Variants in SEC14L2 observed in about 807,000 individuals in gnomAD.
The protein encoded by SEC14L2 is SEC14-like protein 2.
A neutral mutation model predicts 56.9 loss-of-function variants in SEC14L2; 50 were observed. The ratio of observed to expected loss-of-function variants is 0.88; its 90% CI spans 0.70 to 1.11. The LOEUF (loss-of-function observed/expected upper bound fraction) is 1.11, where lower values mean the gene tolerates loss of function less well. SEC14L2 is among the 50% of genes most tolerant of loss of function. SEC14L2 has a pLI of 0.00. For synonymous variants in SEC14L2, 179 were observed against 188.5 expected (o/e 0.95, Z 0.41); for missense variants, 414 against 500.7 (o/e 0.83, Z 1.65).
At chr22:30,400,042 T>C (rs34096486) in intron 2 of SEC14L2, among the ~76,000 whole-genome samples, 2,577 of 152,258 alleles carry the variant, frequency 0.017, 29 homozygotes, top group East Asian at 0.032. Context: ...GTTGGGGAAA[T>C]TGGCTGAAGA....
rs138997226 is a variant in SEC14L2, at chr22:30,409,702, A to T, written c.580+216A>T. 2.8e-3 allele frequency among the ~76,000 whole-genome samples: 423 copies of T among 152,178 alleles called. 4 individuals are homozygous for T. Among genetic ancestry groups the T allele is most frequent in the Non-Finnish European group, 5.2e-3 (353 of 67,992 alleles). On this transcript the variant is annotated intron_variant, in intron 7 of 11. Transcript: ENST00000615189. The stretch of plus-strand genomic sequence containing the variant: ...CTCTTGAGCCCAGGAGTTTGAGACC[A>T]GCCTGGGTAACACAGCAAGACCTCA...
chr22:30,405,067 T>C (rs148048116), intron 2 of SEC14L2, among the ~76,000 whole-genome samples: 4 of 137,934 alleles, frequency 2.9e-5, no homozygotes, highest in African/African-American at 7.9e-5. Flanking sequence ...CGAAATTGTC[T>C]CAAAAAAAAA....
rs373932107 is a variant in SEC14L2, at chr22:30,412,437, T to C, written c.664+1758T>C. Among the ~76,000 whole-genome samples, 15 of 151,116 alleles carry C rather than the reference T, an allele frequency of 9.9e-5. 2 individuals are homozygous for C. The East Asian group carries it at 2.4e-3, about 24-fold the overall frequency. ...GTGCAGTGGTACAATCTCGGCACAA[T>C]GTTGTCACAGTCCACGCAAGAGGTG... On this transcript the variant is annotated intron_variant, in intron 8 of 11. Transcript: ENST00000615189.
intron 8 of SEC14L2, among the ~76,000 whole-genome samples, chr22:30,413,636 AGAGGGATT>A (rs1934311152): frequency 6.6e-6 from 1 of 152,168 alleles, no homozygotes; most frequent in Non-Finnish European, 1.5e-5. Context: ...GGGGTAGGTA[AGAGGGATT>A]CTGAAGGCTT....
intron 1 of SEC14L2, among the ~76,000 whole-genome samples, chr22:30,399,058 T>C (rs1385408146): frequency 6.6e-6 from 1 of 152,144 alleles, no homozygotes; most frequent in Admixed American, 6.5e-5. Context: ...TGGGAACACA[T>C]CTGCCTGCCC....
At chr22:30,403,074 C>T (rs937227557) in intron 2 of SEC14L2, among the ~76,000 whole-genome samples, 4 of 152,202 alleles carry the variant, frequency 2.6e-5, no homozygotes, top group Non-Finnish European at 5.9e-5. Context: ...AAGATTCTGT[C>T]TCAAAGAAAA....
intron 8 of SEC14L2, among the ~76,000 whole-genome samples, chr22:30,412,660 CAAAA>C (rs1036094749): frequency 6.6e-6 from 1 of 151,498 alleles, no homozygotes; most frequent in African/African-American, 2.4e-5. Flanking sequence ...TCCATCTCTA[CAAAA>C]AATACAAAAA....
rs1232845172 is a variant in SEC14L2, at chr22:30,423,967, G to A, written c.*1560G>A. The A allele has an allele frequency of 2.0e-5, 3 of 152,320 alleles. No homozygotes were observed. The highest frequency in any genetic ancestry group is 4.4e-5 in the Non-Finnish European group (3 of 68,070). The allele number at this position is 152,320 out of a possible 1,614,324, so 9.4% of individuals were successfully genotyped here. A position where few individuals can be genotyped will look rare whatever the true frequency, so the allele number is the denominator to read the frequency against. ...CGCCAATAGATAGGGCGCATGCGCAGAAATCCTCCTCGGCTCTCTAGCGTG... is the reference window on the plus strand; with the variant it reads ...CGCCAATAGATAGGGCGCATGCGCAAAAATCCTCCTCGGCTCTCTAGCGTG... On this transcript the variant is annotated 3_prime_UTR_variant, in exon 12 of 12. Transcript: ENST00000615189.
chr22:30,399,549 A>G (rs1933864428), intron 1 of SEC14L2, 94 bp from the exon 2 acceptor site: 2 of 694,100 alleles, frequency 2.9e-6, no homozygotes, highest in Non-Finnish European at 4.6e-6. Context: ...AAACAAAGAA[A>G]GAGGCGTCCA....
intron 1 of SEC14L2, chr22:30,398,654 C>G (rs765420653): frequency 4.3e-6 from 2 of 467,084 alleles, no homozygotes; most frequent in Admixed American, 2.4e-5. Context: ...CTCTCTCCCC[C>G]GCTGCCTTTG....
At chr22:30,405,382 G>A (rs1934065416) in intron 2 of SEC14L2, among the ~76,000 whole-genome samples, 2 of 152,208 alleles carry the variant, frequency 1.3e-5, no homozygotes, top group South Asian at 2.1e-4. Context: ...TCAGCTGAGT[G>A]CAAATTGCAG....
chr22:30,397,763 G>GCA (rs1933798186), intron 1 of SEC14L2: 1 of 446,660 alleles, frequency 2.2e-6, no homozygotes, highest in Non-Finnish European at 4.7e-6. Context: ...CCCCCATGAG[G>GCA]CACTGGGTTG....
At position 30,424,502 on chromosome 22, in the gene SEC14L2, A is replaced by T. The variant is rs1241998390; in HGVS notation, c.*2095A>T. ...CATTTTCTCTACCTTTGATGAAAAT[A>T]AGAGCTAATTCTTAATAAGGCCTAC... is the stretch of plus-strand genomic sequence containing the variant. On this transcript the variant is annotated 3_prime_UTR_variant, in exon 12 of 12. Transcript: ENST00000615189. 1 of 340,134 alleles carries T rather than the reference A, an allele frequency of 2.9e-6. No homozygotes were observed. The allele number at this position is 340,134 out of a possible 1,614,324, so 21.1% of individuals were successfully genotyped here.
At position 30,410,604 on chromosome 22, in the gene SEC14L2, C is replaced by A. The variant is rs1279205259; in HGVS notation, c.589C>A (p.Leu197Met). 1.2e-6 allele frequency: 2 copies of A among 1,614,030 alleles called. No homozygotes were observed. The highest frequency in any genetic ancestry group is 1.7e-6 in the Non-Finnish European group (2 of 1,179,962). ...TCTGGTCTCTGTTCCAGCCCCCAAA[C>A]TGTTTCCTGTGGCCTATAACCTCAT... ...KRLFVVKAPK[L>M]FPVAYNLIKP... Residue 197 changes from leucine (L) to methionine (M), a missense_variant, in exon 8 of 12, where the codon CTG (leucine) becomes ATG (methionine). Leu to Met is a conservative substitution (Grantham distance 15). Transcript: ENST00000615189.
At chr22:30,399,857 A>T (rs576172737) in intron 2 of SEC14L2, 139 bp downstream of exon 2, 6 of 639,878 alleles carry the variant, frequency 9.4e-6, no homozygotes, top group Non-Finnish European at 1.6e-5. Context: ...CTTGGCAATG[A>T]CATAAGCTCA....
intron 1 of SEC14L2, 106 bp from the exon 2 acceptor site, chr22:30,399,537 A>T: frequency 7.7e-6 from 4 of 519,746 alleles, no homozygotes; most frequent in Non-Finnish European, 6.4e-6. Context: ...AAAAAAAAAA[A>T]GAAACAAAGA....
At position 30,422,304 on chromosome 22, in the gene SEC14L2, G is replaced by A. The variant is rs769053267; in HGVS notation, c.1109G>A (p.Ser370Asn). 1 of 1,614,154 alleles carries A rather than the reference G, an allele frequency of 6.2e-7. No individual in the cohort carries two copies. The highest frequency in any genetic ancestry group is 1.1e-5 in the South Asian group (1 of 91,088). Residue 370 changes from serine to asparagine, a missense_variant, in exon 12 of 12, where the codon AGC becomes AAC. Ser to Asn is a conservative substitution (Grantham distance 46). Coordinates refer to ENST00000615189, the MANE Select transcript of SEC14L2 (RefSeq NM_012429.5). ...GTCCTGCGGTTTGACAACACCTACAGCTTCATTCATGCCAAGAAGGTCAAT... is the reference window on the plus strand; with the variant it reads ...GTCCTGCGGTTTGACAACACCTACAACTTCATTCATGCCAAGAAGGTCAAT... ...IYVLRFDNTY[S>N]FIHAKKVNFT...
chr22:30,419,421 C>T (rs1052764066), intron 11 of SEC14L2, among the ~76,000 whole-genome samples: 5 of 152,214 alleles, frequency 3.3e-5, no homozygotes, highest in South Asian at 2.1e-4. Context: ...AGTGTGGTGG[C>T]GCATGCTGGT....
At chr22:30,406,888 A>G (rs1934109874) in intron 3 of SEC14L2, among the ~76,000 whole-genome samples, 1 of 152,138 alleles carries the variant, frequency 6.6e-6, no homozygotes, top group Non-Finnish European at 1.5e-5. Flanking sequence ...AGTAGCTGGG[A>G]TTACAGGTAT....
Sources: allele counts gnomAD v4.1 joint callset (sites outside exome capture counted in the v4.1 genomes callset), GRCh38; gene constraint gnomAD v4.1.1; transcripts MANE v1.5; gene names NCBI Gene and HGNC (gene_info 2026-07-23, HGNC 2026-07-21).